ARIH2: variants seen among roughly 807,000 people sequenced by gnomAD.
The protein encoded by ARIH2 is ariadne RBR E3 ubiquitin protein ligase 2.
A neutral mutation model predicts 79.8 loss-of-function variants in ARIH2; 12 were observed. The ratio of observed to expected loss-of-function variants is 0.15; its 90% CI spans 0.10 to 0.24. The LOEUF is 0.24. Among genes scored for constraint, ARIH2 ranks in the 10% least tolerant of loss-of-function variants. ARIH2 has a pLI of 1.00. For synonymous variants in ARIH2, 224 were observed against 213.9 expected, an observed-to-expected ratio of 1.05 and a Z score of -0.41; for missense variants, 301 against 618.3, an observed-to-expected ratio of 0.49 and a Z score of 5.44.
chr3:48,973,854 C>G (rs1041308021), intron 9 of ARIH2, 38 bp downstream of exon 9: 1 of 1,464,040 alleles, frequency 6.8e-7, no homozygotes, highest in African/African-American at 1.4e-5. Flanking sequence ...ATTTGCCCTC[C>G]TTAGTGCTGC....
chr3:48,957,233 T>G (rs1434347549), intron 3 of ARIH2, among the ~76,000 whole-genome samples: 2 of 152,256 alleles, frequency 1.3e-5, no homozygotes, highest in Non-Finnish European at 2.9e-5. Context: ...TATCTGTAGG[T>G]GAGCACTACC....
At chr3:48,926,961 C>T (rs1203935114) in intron 2 of ARIH2, 1 of 153,224 alleles carries the variant, frequency 6.5e-6, no homozygotes, top group Non-Finnish European at 1.5e-5. Context: ...ATTTTTCAGA[C>T]ACCTAAAAGT....
At chr3:48,928,661 T>C (rs2085959134) in intron 3 of ARIH2, among the ~76,000 whole-genome samples, 2 of 152,192 alleles carry the variant, frequency 1.3e-5, no homozygotes, top group South Asian at 4.1e-4. Context: ...TTATTGGAAC[T>C]TAAACAGAAA....
chr3:48,947,841 G>A (rs894660219), intron 3 of ARIH2, among the ~76,000 whole-genome samples: 10 of 152,104 alleles, frequency 6.6e-5, no homozygotes, highest in Non-Finnish European at 1.3e-4. Flanking sequence ...CTAATCTGTT[G>A]CTGCATTTGC....
At chr3:48,936,641 G>A (rs1010068225) in intron 3 of ARIH2, among the ~76,000 whole-genome samples, 5 of 152,166 alleles carry the variant, frequency 3.3e-5, no homozygotes, top group Admixed American at 2.6e-4. Context: ...GCTGAGGCAC[G>A]AGAATCGCTT....
chr3:48,949,705 A>T (rs2089703428), intron 3 of ARIH2, among the ~76,000 whole-genome samples: 1 of 152,176 alleles, frequency 6.6e-6, no homozygotes, highest in African/African-American at 2.4e-5. Flanking sequence ...GTCTGTTTTT[A>T]AAAATTGCAT....
At chr3:48,960,757 CA>C (rs748889651) in intron 3 of ARIH2, among the ~76,000 whole-genome samples, 2,611 of 81,168 alleles carry the variant, frequency 0.032, 58 homozygotes, top group African/African-American at 0.094. Flanking sequence ...AAGACTGTCT[CA>C]AAAAAAAAAA....
intron 9 of ARIH2, 118 bp from the exon 10 acceptor site, chr3:48,974,699 C>A: frequency 1.0e-6 from 1 of 993,532 alleles, no homozygotes; most frequent in Non-Finnish European, 1.6e-6. Context: ...TGAGGTGCTC[C>A]TCCCCAGAAG....
intron 2 of ARIH2, among the ~76,000 whole-genome samples, chr3:48,923,485 G>GTTAACATATATAA (rs2085124263): frequency 6.7e-6 from 1 of 149,488 alleles, no homozygotes; most frequent in South Asian, 2.1e-4. Context: ...AGAAATGGGA[G>GTTAACATATATAA]CATTTATAGT....
intron 3 of ARIH2, among the ~76,000 whole-genome samples, chr3:48,954,283 C>T (rs1457602978): frequency 2.6e-5 from 4 of 151,804 alleles, no homozygotes; most frequent in Admixed American, 6.6e-5. Flanking sequence ...GTGAAACCCC[C>T]GTCTCTACTA....
At chr3:48,964,310 T>C (rs188078740) in intron 4 of ARIH2, among the ~76,000 whole-genome samples, 215 of 144,550 alleles carry the variant, frequency 1.5e-3, no homozygotes, top group African/African-American at 5.3e-3. Context: ...CCCAGCCATA[T>C]ATATAGAATT....
intron 3 of ARIH2, chr3:48,945,197 G>A: frequency 2.3e-6 from 3 of 1,289,668 alleles, no homozygotes; most frequent in Non-Finnish European, 3.0e-6. Flanking sequence ...TGTGGGAAGG[G>A]CTGGTGACAG....
At chr3:48,964,827 T>C (rs939618959) in intron 4 of ARIH2, 92 bp from the exon 5 acceptor site, 1 of 970,212 alleles carries the variant, frequency 1.0e-6, no homozygotes, top group South Asian at 1.4e-5. Flanking sequence ...GAGACAAAGA[T>C]GCTCTAAACA....
At chr3:48,943,946 T>C (rs532680610) in intron 3 of ARIH2, among the ~76,000 whole-genome samples, 1 of 152,326 alleles carries the variant, frequency 6.6e-6, no homozygotes, top group East Asian at 1.9e-4. Flanking sequence ...GCTGCAGGAA[T>C]GGACACAGCT....
intron 3 of ARIH2, among the ~76,000 whole-genome samples, chr3:48,957,535 T>A (rs1186884868): frequency 1.3e-5 from 2 of 152,168 alleles, no homozygotes; most frequent in Non-Finnish European, 2.9e-5. Context: ...TCCTCTGAGT[T>A]ACTAGGTGGC....
chr3:48,983,026 T>TTGC (rs1277076541), intron 15 of ARIH2, 47 bp downstream of exon 15: 15 of 1,571,410 alleles, frequency 9.5e-6, no homozygotes, highest in Non-Finnish European at 1.3e-5. Context: ...GGTAGAGGAC[T>TTGC]GGCATGGTAA....
intron 11 of ARIH2, chr3:48,975,198 C>T: frequency 1.5e-6 from 1 of 681,036 alleles, no homozygotes; most frequent in Non-Finnish European, 2.4e-6. Flanking sequence ...CACATATAGT[C>T]AGAAGTCAAG....
chr3:48,953,342 G>T (rs2090178951), intron 3 of ARIH2, among the ~76,000 whole-genome samples: 1 of 152,152 alleles, frequency 6.6e-6, no homozygotes, highest in African/African-American at 2.4e-5. Flanking sequence ...TATGATTTTG[G>T]CAGTTAGACC....
intron 3 of ARIH2, among the ~76,000 whole-genome samples, chr3:48,948,513 C>T (rs2089520401): frequency 6.6e-6 from 1 of 151,862 alleles, no homozygotes; most frequent in Non-Finnish European, 1.5e-5. Context: ...GTCTGGAACT[C>T]CCAACCTCAG....
Sources: gnomAD v4.1 joint callset for allele counts (sites outside exome capture counted in the v4.1 genomes callset) on GRCh38, gnomAD v4.1.1 for gene constraint, MANE v1.5 for transcripts, NCBI Gene and HGNC (gene_info 2026-07-23, HGNC 2026-07-21) for gene names.